The following C12orf56 variants were observed in gnomAD, a reference collection of about 807,000 sequenced individuals.
C12orf56 encodes uncharacterized protein C12orf56.
C12orf56 carries 71 observed loss-of-function variants against 69.9 expected under a neutral mutation model. The ratio of observed to expected loss-of-function variants is 1.02; its 90% CI spans 0.84 to 1.24. C12orf56 has a LOEUF of 1.24. C12orf56 is among the 50% of genes most tolerant of loss of function. The pLI is 0.00. For synonymous variants in C12orf56, 276 were observed against 274.1 expected (o/e 1.01, Z -0.07); for missense variants, 732 against 738.5 (o/e 0.99, Z 0.10).
chr12:64,382,262 C>CAAA (rs55714337), intron 1 of C12orf56, among the ~76,000 whole-genome samples: 1 of 97,702 alleles, frequency 1.0e-5, no homozygotes, highest in African/African-American at 3.8e-5. Flanking sequence ...ACTCTTGTCT[C>CAAA]AAAAAAAAAA....
chr12:64,276,378 C>T (rs1231779994), intron 9 of C12orf56, among the ~76,000 whole-genome samples: 1 of 152,130 alleles, frequency 6.6e-6, no homozygotes, highest in African/African-American at 2.4e-5. Context: ...TAAAGGAGGA[C>T]TAGTCTCATT....
At chr12:64,385,253 T>G (rs1460900624) in intron 1 of C12orf56, among the ~76,000 whole-genome samples, 2 of 152,202 alleles carry the variant, frequency 1.3e-5, no homozygotes, top group East Asian at 3.9e-4. Context: ...GATCGTGAAG[T>G]GCACTTTAAG....
At chr12:64,271,705 T>C (rs910667857) in intron 11 of C12orf56, among the ~76,000 whole-genome samples, 3 of 152,210 alleles carry the variant, frequency 2.0e-5, no homozygotes, top group Non-Finnish European at 4.4e-5. Flanking sequence ...ATTATATATA[T>C]ATTGATTAAA....
intron 12 of C12orf56, among the ~76,000 whole-genome samples, chr12:64,270,243 A>G (rs924242320): frequency 6.6e-6 from 1 of 150,392 alleles, no homozygotes; most frequent in South Asian, 2.1e-4. Flanking sequence ...TAAAAATACA[A>G]AAAAAAAATT....
intron 1 of C12orf56, among the ~76,000 whole-genome samples, chr12:64,388,767 G>T (rs781775259): frequency 6.6e-6 from 1 of 152,186 alleles, no homozygotes; most frequent in Admixed American, 6.5e-5. Context: ...TGATGTGGGA[G>T]GATCGCTTGA....
chr12:64,276,467 C>G (rs2136751450), intron 9 of C12orf56, among the ~76,000 whole-genome samples: 1 of 152,290 alleles, frequency 6.6e-6, no homozygotes, highest in Admixed American at 6.5e-5. Context: ...ATAGCCCTGC[C>G]TATCTGAGTC....
chr12:64,271,393 G>A (rs1224508230), intron 11 of C12orf56, among the ~76,000 whole-genome samples: 1 of 152,114 alleles, frequency 6.6e-6, no homozygotes, highest in Non-Finnish European at 1.5e-5. Context: ...TGAATGCAGA[G>A]GCAGAGGTTG....
Position 64,390,578 on chromosome 12 carries a change from C to T in C12orf56, c.-13G>A, listed in dbSNP as rs1341983156. ...AGGGGCTGGCCATGCCCGGCGCCCG[C>T]AGCGTGGCGGAGTGCTGGGACTCGA... is the stretch of plus-strand genomic sequence containing the variant. On this transcript the variant is annotated 5_prime_UTR_variant, in exon 1 of 13. Transcript: ENST00000543942. The T allele has an allele frequency of 3.9e-6, 6 of 1,550,258 alleles. No homozygotes were observed. The highest frequency in any genetic ancestry group is 4.3e-6 in the Non-Finnish European group (5 of 1,155,142).
At chr12:64,271,547 C>G (rs1276631332) in intron 11 of C12orf56, among the ~76,000 whole-genome samples, 1 of 152,166 alleles carries the variant, frequency 6.6e-6, no homozygotes, top group African/African-American at 2.4e-5. Flanking sequence ...ACCAACAGGT[C>G]ACACTACACA....
chr12:64,276,152 A>T (rs1286060624), intron 9 of C12orf56, among the ~76,000 whole-genome samples: 1 of 152,102 alleles, frequency 6.6e-6, no homozygotes, highest in East Asian at 1.9e-4. Context: ...TACAATTACT[A>T]TCCCTTTTCT....
At chr12:64,308,598 T>G (rs1309945107) in intron 5 of C12orf56, among the ~76,000 whole-genome samples, 1 of 151,354 alleles carries the variant, frequency 6.6e-6, no homozygotes, top group African/African-American at 2.4e-5. Flanking sequence ...ATCCCAGCAC[T>G]GTGGGAGGCC....
At chr12:64,319,960 G>A (rs903050182) in intron 3 of C12orf56, among the ~76,000 whole-genome samples, 5 of 151,870 alleles carry the variant, frequency 3.3e-5, no homozygotes, top group South Asian at 2.1e-4. Flanking sequence ...TTCGCTCCCC[G>A]TCCACCACTC....
At chr12:64,359,710 T>C (rs1320789569) in intron 1 of C12orf56, among the ~76,000 whole-genome samples, 1 of 151,882 alleles carries the variant, frequency 6.6e-6, no homozygotes, top group East Asian at 1.9e-4. Context: ...AAAGAAGCTC[T>C]TTTATTATTA....
chr12:64,303,000 C>T (rs73327152), intron 6 of C12orf56, among the ~76,000 whole-genome samples: 3,140 of 151,972 alleles, frequency 0.021, 103 homozygotes, highest in African/African-American at 0.072. Flanking sequence ...AGGCAGGGCG[C>T]GGTGGTTCAC....
At chr12:64,386,033 T>C (rs779982433) in intron 1 of C12orf56, among the ~76,000 whole-genome samples, 2 of 152,092 alleles carry the variant, frequency 1.3e-5, no homozygotes, top group Admixed American at 1.3e-4. Flanking sequence ...CAGGACCTTC[T>C]GGAAGCTTTA....
intron 1 of C12orf56, among the ~76,000 whole-genome samples, chr12:64,382,598 G>A (rs1406458053): frequency 6.6e-6 from 1 of 152,050 alleles, no homozygotes; most frequent in Non-Finnish European, 1.5e-5. Context: ...CTGATGGCTG[G>A]GCACGGTGGC....
At chr12:64,316,242 C>A (rs1228890362) in intron 4 of C12orf56, among the ~76,000 whole-genome samples, 1 of 151,910 alleles carries the variant, frequency 6.6e-6, no homozygotes, top group Non-Finnish European at 1.5e-5. Flanking sequence ...TACATGCAGG[C>A]CATGTTCCTG....
intron 3 of C12orf56, among the ~76,000 whole-genome samples, chr12:64,325,445 C>G (rs994106179): frequency 2.6e-5 from 4 of 152,028 alleles, no homozygotes; most frequent in Non-Finnish European, 5.9e-5. Flanking sequence ...TAAGTAAATT[C>G]AAGCCCCTAC....
intron 2 of C12orf56, among the ~76,000 whole-genome samples, chr12:64,337,316 T>C (rs2039009596): frequency 6.6e-6 from 1 of 152,144 alleles, no homozygotes; most frequent in African/African-American, 2.4e-5. Context: ...TACTTGGCAG[T>C]AGCACAGACC....
Sources: allele counts gnomAD v4.1 joint callset (sites outside exome capture counted in the v4.1 genomes callset), GRCh38; gene constraint gnomAD v4.1.1; transcripts MANE v1.5; gene names NCBI Gene and HGNC (gene_info 2026-07-23, HGNC 2026-07-21).